Variants in CTCFL observed in about 807,000 individuals in gnomAD.
CTCFL encodes CCCTC-binding factor like, also known as transcriptional repressor CTCFL.
CTCFL carries 36 observed loss-of-function variants against 67.4 expected under a neutral mutation model. The observed-to-expected ratio is 0.53, with a 90% CI of 0.41 to 0.71. CTCFL has a LOEUF of 0.71. Among genes scored for constraint, CTCFL ranks in the 30% least tolerant of loss-of-function variants. CTCFL has a pLI of 0.00. For missense variants in CTCFL, 786 were observed against 835.2 expected (o/e 0.94, Z 0.73); for synonymous variants, 324 against 302.3 (o/e 1.07, Z -0.75).
Position 57,505,459 on chromosome 20 carries a change from T to C in CTCFL, c.1675-1858A>G, listed in dbSNP as rs569632316. Reference sequence around the variant, plus strand: ...TTTCAGTAGAGATGGGGTTTCACCATGTTAGCCAGGATGGTCTCGATCTCC... The same window carrying C: ...TTTCAGTAGAGATGGGGTTTCACCACGTTAGCCAGGATGGTCTCGATCTCC... On this transcript the variant is annotated intron_variant, in intron 9 of 10. Coordinates refer to ENST00000243914, the MANE Select transcript of CTCFL (RefSeq NM_001386993.1). 3.9e-4 allele frequency among the ~76,000 whole-genome samples: 59 copies of C among 152,028 alleles called. 2 individuals are homozygous for C. The highest frequency in any genetic ancestry group is 7.5e-4 in the Non-Finnish European group (51 of 67,946).
At position 57,523,961 on chromosome 20, in the gene CTCFL, A is replaced by C. The variant is rs138379324; in HGVS notation, c.245T>G (p.Leu82Arg). 29 of 1,613,000 alleles carry C rather than the reference A, an allele frequency of 1.8e-5. No individual in the cohort carries two copies. The African/African-American group carries it at 2.9e-4, about 16-fold the overall frequency. The change falls in exon 2 of 11, where the codon CTG (leucine) becomes CGG (arginine). Residue 82 changes from leucine (L) to arginine (R), a missense_variant. Physicochemically the swap from Leu to Arg is moderately radical, Grantham distance 102. Coordinates refer to ENST00000243914, the MANE Select transcript of CTCFL (RefSeq NM_001386993.1). ...SEESEKYILT[L>R]QTVHFTSEAV... Reference sequence around the variant, plus strand: ...TTCAGAAGTGAAGTGCACCGTCTGCAGGGTCAGGATGTACTTCTCGCTCTC... The same window carrying C: ...TTCAGAAGTGAAGTGCACCGTCTGCCGGGTCAGGATGTACTTCTCGCTCTC...
chr20:57,517,271 G>GT (rs2068995560), intron 5 of CTCFL, among the ~76,000 whole-genome samples: 1 of 151,712 alleles, frequency 6.6e-6, no homozygotes, highest in Admixed American at 6.6e-5. Context: ...GAGGACAATG[G>GT]GAGTTCAAAT....
At chr20:57,499,076 G>T (rs1379190524) in intron 10 of CTCFL, among the ~76,000 whole-genome samples, 14 of 115,844 alleles carry the variant, frequency 1.2e-4, no homozygotes, top group African/African-American at 4.9e-4. Flanking sequence ...AAGGTGACGG[G>T]GGGGGGGTGG....
rs1005300467 is a variant in CTCFL at position 57,523,755 on chromosome 20, A to G, written c.451T>C (p.Leu151=). 6.2e-7 allele frequency: 1 copy of G among 1,613,236 alleles called. No homozygotes were observed. Among genetic ancestry groups the G allele is most frequent in the African/African-American group, 1.3e-5 (1 of 74,936 alleles). ...ELYSPQEMEV[L]QFHALEENVM... ...TTCTCCTCTAGAGCGTGGAACTGCAACACCTCCATCTCTTGCGGGGAGTAC... is the reference window on the plus strand; with the variant it reads ...TTCTCCTCTAGAGCGTGGAACTGCAGCACCTCCATCTCTTGCGGGGAGTAC... The change falls in exon 2 of 11, where the codon TTG becomes CTG. Residue 151 remains leucine (L), a synonymous_variant. Coordinates refer to ENST00000243914, the MANE Select transcript of CTCFL (RefSeq NM_001386993.1).
intron 10 of CTCFL, chr20:57,499,945 C>A (rs758655279): frequency 3.0e-6 from 3 of 985,514 alleles, no homozygotes; most frequent in South Asian, 9.3e-5. Flanking sequence ...CACAGGTCCA[C>A]GGCTGGGGGG....
intron 8 of CTCFL, among the ~76,000 whole-genome samples, chr20:57,511,660 C>T (rs1235940461): frequency 4.7e-5 from 7 of 150,486 alleles, no homozygotes; most frequent in Non-Finnish European, 8.9e-5. Flanking sequence ...GGCGCGATCT[C>T]GGCTCACTGC....
intron 8 of CTCFL, among the ~76,000 whole-genome samples, chr20:57,510,287 T>C (rs1227727887): frequency 6.6e-6 from 1 of 152,240 alleles, no homozygotes; most frequent in Non-Finnish European, 1.5e-5. Context: ...CATGTATTAG[T>C]ATTTACTTTC....
chr20:57,518,700 C>T (rs2069110623), intron 5 of CTCFL, 58 bp downstream of exon 5: 2 of 1,613,696 alleles, frequency 1.2e-6, no homozygotes, highest in African/African-American at 1.3e-5. Flanking sequence ...CTTGGAGTAA[C>T]TTGTACAGCA....
intron 9 of CTCFL, chr20:57,507,453 C>T (rs2068271020): frequency 1.6e-6 from 1 of 641,920 alleles, no homozygotes; most frequent in Non-Finnish European, 2.9e-6. Flanking sequence ...CTGCCTTGGC[C>T]TCCCGAAGTA....
chr20:57,521,547 T>A (rs2069362814), intron 3 of CTCFL, among the ~76,000 whole-genome samples: 1 of 152,182 alleles, frequency 6.6e-6, no homozygotes, highest in Non-Finnish European at 1.5e-5. Context: ...AACCACACCA[T>A]CCAGCAATTC....
chr20:57,498,754 A>C (rs1187773383), intron 10 of CTCFL, 53 bp from the exon 11 acceptor site: 2 of 1,508,326 alleles, frequency 1.3e-6, no homozygotes, highest in African/African-American at 1.4e-5. Context: ...AGGAATTGGA[A>C]TTTATAAACT....
At chr20:57,507,788 A>G in intron 9 of CTCFL, 1 of 703,034 alleles carries the variant, frequency 1.4e-6, no homozygotes, top group South Asian at 1.5e-5. Flanking sequence ...CCCAACCCAG[A>G]GAATCTGTCA....
At chr20:57,497,106 CCA>C (rs1196235572), downstream of CTCFL, 1 of 393,678 alleles carries the variant, frequency 2.5e-6, no homozygotes, top group East Asian at 1.6e-4. Flanking sequence ...TCCAATTTCT[CCA>C]CATTCTCTCC....
chr20:57,503,193 C>A (rs955564611), intron 10 of CTCFL, among the ~76,000 whole-genome samples: 1 of 152,262 alleles, frequency 6.6e-6, no homozygotes, highest in Non-Finnish European at 1.5e-5. Flanking sequence ...CAGTCCAATG[C>A]GATGGAAGAG....
chr20:57,524,318 C>A (rs918343022), intron 1 of CTCFL, 102 bp from the exon 2 acceptor site: 78 of 1,513,190 alleles, frequency 5.2e-5, no homozygotes, highest in Non-Finnish European at 6.6e-5. Flanking sequence ...GGAGTTGAAA[C>A]AAGGTCTGGC....
At chr20:57,509,743 A>G (rs1483064200) in intron 8 of CTCFL, among the ~76,000 whole-genome samples, 1 of 152,128 alleles carries the variant, frequency 6.6e-6, no homozygotes, top group African/African-American at 2.4e-5. Flanking sequence ...TCTTTCTTCT[A>G]ATCTTTCTCT....
chr20:57,504,269 C>T (rs1199140704), intron 9 of CTCFL, among the ~76,000 whole-genome samples: 1 of 148,452 alleles, frequency 6.7e-6, no homozygotes, highest in African/African-American at 2.5e-5. Context: ...AGCCACTGCA[C>T]CCGCCCCCCG....
intron 8 of CTCFL, among the ~76,000 whole-genome samples, chr20:57,511,725 G>A (rs1157692607): frequency 6.6e-6 from 1 of 151,928 alleles, no homozygotes; most frequent in Non-Finnish European, 1.5e-5. Context: ...CTGAGTAGCT[G>A]GGACTACAGG....
chr20:57,514,776 G>A, intron 6 of CTCFL, 35 bp from the exon 7 acceptor site: 1 of 1,589,918 alleles, frequency 6.3e-7, no homozygotes, highest in Non-Finnish European at 8.6e-7. Flanking sequence ...TCCCCCTCCA[G>A]GCCTGATCCT....
Sources: gnomAD v4.1 joint callset for allele counts (sites outside exome capture counted in the v4.1 genomes callset) on GRCh38, gnomAD v4.1.1 for gene constraint, MANE v1.5 for transcripts, NCBI Gene and HGNC (gene_info 2026-07-23, HGNC 2026-07-21) for gene names.